Variants in HS3ST4 observed in about 807,000 individuals in gnomAD.
HS3ST4 encodes heparan sulfate-glucosamine 3-sulfotransferase 4.
Under a neutral mutation model 29.2 loss-of-function variants are expected in HS3ST4, and 17 were observed. That is an observed-to-expected ratio of 0.58 (90% CI 0.40 to 0.87). The LOEUF (loss-of-function observed/expected upper bound fraction) is 0.87, where lower values mean the gene tolerates loss of function less well. HS3ST4 is among the 40% of genes least tolerant of loss of function. The pLI, the probability that HS3ST4 is intolerant of heterozygous loss-of-function variation, is 0.00. For synonymous variants in HS3ST4, 314 were observed against 285.7 expected (o/e 1.10, Z -1.00); for missense variants, 627 against 634.5 (o/e 0.99, Z 0.13).
intron 1 of HS3ST4, among the ~76,000 whole-genome samples, chr16:25,855,902 G>A (rs1459283086): frequency 6.6e-6 from 1 of 152,024 alleles, no homozygotes; most frequent in African/African-American, 2.4e-5. Context: ...CCCTTAGGTG[G>A]GACAGAAAGG....
intron 1 of HS3ST4, among the ~76,000 whole-genome samples, chr16:25,882,698 G>A (rs941971018): frequency 6.6e-6 from 1 of 152,100 alleles, no homozygotes; most frequent in African/African-American, 2.4e-5. Flanking sequence ...AGATAGTAAA[G>A]GGGGCTTTTC....
intron 1 of HS3ST4, among the ~76,000 whole-genome samples, chr16:26,008,780 C>A (rs1471769757): frequency 6.6e-6 from 1 of 152,232 alleles, no homozygotes; most frequent in Non-Finnish European, 1.5e-5. Context: ...GATCACATCA[C>A]TACACTCCAG....
At chr16:25,945,363 A>G (rs1968614841) in intron 1 of HS3ST4, among the ~76,000 whole-genome samples, 1 of 152,182 alleles carries the variant, frequency 6.6e-6, no homozygotes, top group Non-Finnish European at 1.5e-5. Context: ...ATAATATTCC[A>G]TAGATGACTA....
intron 1 of HS3ST4, among the ~76,000 whole-genome samples, chr16:26,090,174 T>A (rs1261947719): frequency 6.6e-6 from 1 of 152,074 alleles, no homozygotes; most frequent in Non-Finnish European, 1.5e-5. Context: ...GAAAGTGGAT[T>A]CAGATTAGTT....
chr16:26,009,468 T>C (rs1047281489), intron 1 of HS3ST4, among the ~76,000 whole-genome samples: 21 of 152,234 alleles, frequency 1.4e-4, no homozygotes, highest in African/African-American at 4.3e-4. Flanking sequence ...TTTGTATCAG[T>C]CAGGATAGGC....
intron 1 of HS3ST4, among the ~76,000 whole-genome samples, chr16:25,882,995 C>G (rs971322522): frequency 2.0e-5 from 3 of 152,152 alleles, no homozygotes; most frequent in Non-Finnish European, 2.9e-5. Flanking sequence ...TTCCTGGTCT[C>G]CACTTGAGAT....
chr16:25,796,064 C>T (rs1378636138), intron 1 of HS3ST4, among the ~76,000 whole-genome samples: 2 of 152,222 alleles, frequency 1.3e-5, no homozygotes, highest in East Asian at 3.9e-4. Flanking sequence ...CTGTTCTTTC[C>T]TTCTGTCTCG....
chr16:25,777,454 C>T lies in HS3ST4; in HGVS notation c.734+84303C>T, dbSNP rs527427332. On this transcript the variant is annotated intron_variant, in intron 1 of 1. Coordinates refer to ENST00000331351, the MANE Select transcript of HS3ST4 (RefSeq NM_006040.3). ...GTGTGTGTGTGTGTGTGTGCACGTC[C>T]GTGTGTGTGTGCATAAGATACAGCT... is the stretch of plus-strand genomic sequence containing the variant. 9.7e-4 allele frequency among the ~76,000 whole-genome samples: 145 copies of T among 149,790 alleles called. 1 individual carries two copies. Among genetic ancestry groups the T allele is most frequent in the African/African-American group, 3.2e-3 (132 of 40,750 alleles).
At chr16:26,054,327 A>C (rs972325222) in intron 1 of HS3ST4, among the ~76,000 whole-genome samples, 2 of 141,724 alleles carry the variant, frequency 1.4e-5, no homozygotes, top group African/African-American at 6.2e-5. Context: ...GAAGAAGAAG[A>C]AGAGAAGAAG....
At chr16:25,995,537 C>A (rs774328338) in intron 1 of HS3ST4, among the ~76,000 whole-genome samples, 1 of 152,148 alleles carries the variant, frequency 6.6e-6, no homozygotes, top group Non-Finnish European at 1.5e-5. Flanking sequence ...GTACTAGGAG[C>A]AACCAGAGTT....
chr16:25,911,747 G>A (rs954283008), intron 1 of HS3ST4, among the ~76,000 whole-genome samples: 1 of 151,964 alleles, frequency 6.6e-6, no homozygotes, highest in Non-Finnish European at 1.5e-5. Context: ...GGGCTTGAGC[G>A]ATCCTCCTGC....
At chr16:26,105,672 G>A (rs905321333) in intron 1 of HS3ST4, among the ~76,000 whole-genome samples, 36 of 152,210 alleles carry the variant, frequency 2.4e-4, no homozygotes, top group African/African-American at 8.0e-4. Context: ...CTTCTTTCCA[G>A]TCACGCTAAC....
At position 26,136,037 on chromosome 16, in the gene HS3ST4, A is replaced by C; in HGVS notation, c.1160A>C (p.Tyr387Ser). Residue 387 changes from tyrosine (Y) to serine (S), a missense_variant, in exon 2 of 2, where the codon TAT becomes TCT. Around this residue, in one of 2 missense-constraint regions of HS3ST4, gnomAD observed 225 missense variants for 293.7 expected, o/e 0.77. Coordinates refer to ENST00000331351, the MANE Select transcript of HS3ST4 (RefSeq NM_006040.3). The part of the protein sequence containing the change: ...LKRVVTEKHF[Y>S]FNKTKGFPCL... ...CGTGTTGTGACTGAGAAGCATTTCT[A>C]TTTCAACAAAACCAAGGGGTTCCCT... 1 of 1,613,960 alleles carries C rather than the reference A, an allele frequency of 6.2e-7. No homozygotes were observed. Among genetic ancestry groups the C allele is most frequent in the Non-Finnish European group, 8.5e-7 (1 of 1,179,868 alleles).
chr16:25,784,986 T>A (rs756069933), intron 1 of HS3ST4, among the ~76,000 whole-genome samples: 1 of 152,190 alleles, frequency 6.6e-6, no homozygotes, highest in Non-Finnish European at 1.5e-5. Context: ...AAGTTGAAGC[T>A]CATTCACCAT....
At chr16:25,916,586 T>G (rs1377440985) in intron 1 of HS3ST4, among the ~76,000 whole-genome samples, 2 of 151,570 alleles carry the variant, frequency 1.3e-5, no homozygotes, top group Admixed American at 1.3e-4. Flanking sequence ...CGTCTGAAAC[T>G]CCTGACCTCA....
At chr16:25,975,093 T>C (rs1046696332) in intron 1 of HS3ST4, among the ~76,000 whole-genome samples, 3 of 152,148 alleles carry the variant, frequency 2.0e-5, no homozygotes, top group African/African-American at 7.2e-5. Context: ...AATATCACCC[T>C]GGAATACTAC....
chr16:25,783,427 C>G (rs988988480), intron 1 of HS3ST4, among the ~76,000 whole-genome samples: 30 of 151,794 alleles, frequency 2.0e-4, no homozygotes, highest in Non-Finnish European at 3.1e-4. Context: ...TTGAAAATCA[C>G]TTTTCTCCTT....
chr16:26,020,110 A>G (rs577349685), intron 1 of HS3ST4, among the ~76,000 whole-genome samples: 3 of 152,284 alleles, frequency 2.0e-5, no homozygotes, highest in East Asian at 1.9e-4. Flanking sequence ...AAGGATTTGC[A>G]TGTCTAAAGC....
chr16:26,110,381 G>T (rs1386708203), intron 1 of HS3ST4, among the ~76,000 whole-genome samples: 1 of 152,060 alleles, frequency 6.6e-6, no homozygotes, highest in African/African-American at 2.4e-5. Flanking sequence ...TGTAGACGAG[G>T]CATCTCAAAC....
Sources: gnomAD v4.1 joint callset for allele counts (sites outside exome capture counted in the v4.1 genomes callset) on GRCh38, gnomAD v4.1.1 for gene constraint, gnomAD v4.1.1 regional missense constraint, MANE v1.5 for transcripts, NCBI Gene and HGNC (gene_info 2026-07-23, HGNC 2026-07-21) for gene names.